Variants in TMEM273 observed in about 807,000 individuals in gnomAD.
TMEM273 encodes the protein chromosome 10 open reading frame 128.
TMEM273 carries 19 observed loss-of-function variants against 17.9 expected under a neutral mutation model. The ratio of observed to expected loss-of-function variants is 1.06; its 90% CI spans 0.74 to 1.55. TMEM273 has a LOEUF of 1.55. Among genes scored for constraint, TMEM273 ranks in the 40% most tolerant of loss-of-function variants. The pLI, the probability that TMEM273 is intolerant of heterozygous loss-of-function variation, is 0.00. For synonymous variants in TMEM273, 66 were observed against 62.0 expected (o/e 1.07, Z -0.31); for missense variants, 194 against 155.6 (o/e 1.25, Z -1.31).
At chr10:49,165,477 T>G in intron 4 of TMEM273, 194 bp from the exon 5 acceptor site, 1 of 1,456,716 alleles carries the variant, frequency 6.9e-7, no homozygotes, top group Non-Finnish European at 9.0e-7. Flanking sequence ...AAGTCAGGGG[T>G]ATGCACTGAA....
intron 1 of TMEM273, among the ~76,000 whole-genome samples, chr10:49,183,662 C>T (rs1374767225): frequency 6.6e-6 from 1 of 152,158 alleles, no homozygotes; most frequent in Non-Finnish European, 1.5e-5. Flanking sequence ...GGGCCACTCA[C>T]CTGCTACTTT....
chr10:49,179,614 A>G lies in TMEM273; in HGVS notation c.43+8680T>C, dbSNP rs190851790. On this transcript the variant is annotated intron_variant, in intron 1 of 6. Transcript: ENST00000374153. ...TAAAATCCCTAAATATTATATTAAA[A>G]AAACAAATATAAAAAGACCCCCAAA... 1.2e-4 allele frequency among the ~76,000 whole-genome samples: 19 copies of G among 152,364 alleles called. No homozygotes were observed. The East Asian group carries it at 3.7e-3, about 29-fold the overall frequency.
intron 6 of TMEM273, among the ~76,000 whole-genome samples, chr10:49,158,937 T>C (rs1845678131): frequency 6.6e-6 from 1 of 152,334 alleles, no homozygotes; most frequent in Non-Finnish European, 1.5e-5. Flanking sequence ...AAACATCTTC[T>C]AATTTTATTT....
intron 1 of TMEM273, among the ~76,000 whole-genome samples, chr10:49,184,909 G>T (rs1000043776): frequency 6.6e-6 from 1 of 152,218 alleles, no homozygotes; most frequent in African/African-American, 2.4e-5. Context: ...GTGGAAACTT[G>T]TAGAGTAGTT....
rs1258807087 is a variant in TMEM273 at position 49,155,274 on chromosome 10, C to T, written c.*618G>A. On this transcript the variant is annotated 3_prime_UTR_variant, in exon 7 of 7. Coordinates refer to ENST00000374153, the MANE Select transcript of TMEM273 (RefSeq NM_001288740.3). ...TTTGAAGGTCTGAGAGCAGCAGGCC[C>T]ATTCCATGAACACCAAAGCCCTTCC... The T allele has an allele frequency of 6.5e-6, 1 of 153,168 alleles. No individual in the cohort carries two copies. Among genetic ancestry groups the T allele is most frequent in the East Asian group, 1.9e-4 (1 of 5,208 alleles). 9.5% of individuals were successfully genotyped at this position (153,168 alleles called of 1,614,324 possible). A position where few individuals can be genotyped will look rare whatever the true frequency, so the allele number is the denominator to read the frequency against.
At chr10:49,163,831 T>C (rs1845999002) in intron 5 of TMEM273, among the ~76,000 whole-genome samples, 1 of 151,806 alleles carries the variant, frequency 6.6e-6, no homozygotes, top group African/African-American at 2.4e-5. Flanking sequence ...GGAGGAGAAA[T>C]CCTCAAAAAA....
chr10:49,186,110 G>GAAGAAGAAGAAGAA (rs59346438), intron 1 of TMEM273, among the ~76,000 whole-genome samples: 2,009 of 82,424 alleles, frequency 0.024, 88 homozygotes, highest in Middle Eastern at 0.042. Context: ...AAGAAGAAGA[G>GAAGAAGAAGAAGAA]GAAGAAGAAG....
intron 6 of TMEM273, chr10:49,160,913 G>A (rs1254548067): frequency 1.3e-5 from 2 of 152,174 alleles, no homozygotes; most frequent in Admixed American, 6.5e-5. Flanking sequence ...GTGAGGTCAA[G>A]AGATTGCCCC....
intron 5 of TMEM273, among the ~76,000 whole-genome samples, chr10:49,164,011 T>A (rs1846010046): frequency 6.6e-6 from 1 of 152,124 alleles, no homozygotes; most frequent in African/African-American, 2.4e-5. Context: ...CAGTCCCTGG[T>A]CCCATGGAAG....
At chr10:49,162,790 T>C (rs769063793) in intron 5 of TMEM273, among the ~76,000 whole-genome samples, 37 of 152,194 alleles carry the variant, frequency 2.4e-4, no homozygotes, top group Non-Finnish European at 4.9e-4. Context: ...CCTCCTGCAC[T>C]CCTCACCACA....
chr10:49,167,764 T>C (rs1052487547), intron 2 of TMEM273, 145 bp downstream of exon 2: 10 of 987,366 alleles, frequency 1.0e-5, no homozygotes, highest in Middle Eastern at 3.1e-4. Context: ...TCAGCTGCTC[T>C]GGGGGACCTG....
Position 49,167,935 on chromosome 10 carries a change from G to T in TMEM273, c.71C>A (p.Thr24Lys), listed in dbSNP as rs1416311240. The T allele has an allele frequency of 3.7e-6, 6 of 1,614,038 alleles. No homozygotes were observed. The highest frequency in any genetic ancestry group is 5.1e-6 in the Non-Finnish European group (6 of 1,180,004). Residue 24 changes from threonine to lysine, a missense_variant, in exon 2 of 7, where the codon ACA becomes AAA. Thr to Lys is a moderately conservative substitution (Grantham distance 78). Transcript: ENST00000374153. ...LDVGGAQVLA[T>K]GKTPGAEIDF... ...AATTTCAGCCCCAGGGGTCTTGCCT[G>T]TTGCCAGCACTTGAGCTCCTCCTAC...
At chr10:49,180,885 A>G (rs1306047566) in intron 1 of TMEM273, among the ~76,000 whole-genome samples, 1 of 152,244 alleles carries the variant, frequency 6.6e-6, no homozygotes, top group Non-Finnish European at 1.5e-5. Flanking sequence ...CCGTCACCAC[A>G]CCTGTTCAAC....
intron 1 of TMEM273, among the ~76,000 whole-genome samples, chr10:49,183,211 G>T (rs1285959340): frequency 6.6e-6 from 1 of 152,074 alleles, no homozygotes; most frequent in Non-Finnish European, 1.5e-5. Context: ...TTATATAAAA[G>T]TATTTTGTCA....
chr10:49,157,328 G>T (rs1228562261), intron 6 of TMEM273, among the ~76,000 whole-genome samples: 1 of 152,208 alleles, frequency 6.6e-6, no homozygotes, highest in East Asian at 1.9e-4. Context: ...GATAAGGCTG[G>T]CAGAGTCTAG....
chr10:49,178,142 C>A (rs1847109258), intron 1 of TMEM273: 1 of 456,402 alleles, frequency 2.2e-6, no homozygotes, highest in South Asian at 1.6e-5. Context: ...GGCCCAATGT[C>A]CTCCCAGGGC....
At chr10:49,172,259 T>A (rs892255325) in intron 1 of TMEM273, among the ~76,000 whole-genome samples, 2 of 151,916 alleles carry the variant, frequency 1.3e-5, no homozygotes, top group Non-Finnish European at 2.9e-5. Context: ...CTAGGAGAAA[T>A]CAAAGAGCAA....
chr10:49,176,314 G>A (rs191083920), intron 1 of TMEM273, among the ~76,000 whole-genome samples: 11 of 152,306 alleles, frequency 7.2e-5, no homozygotes, highest in Admixed American at 4.6e-4. Flanking sequence ...AAGAGGTGGC[G>A]CTCCCCAGCA....
In TMEM273 at chr10:49,167,961, A is replaced by C. The variant is rs1846306195; in HGVS notation, c.45T>G (p.Asp15Glu). ...VSMLRILFLL[D>E]VGGAQVLATG... ...TTGCCAGCACTTGAGCTCCTCCTAC[A>C]TCTGCAAAGAAAGAAACCCCAGAGC... is the stretch of plus-strand genomic sequence containing the variant. Residue 15 changes from aspartate to glutamate, a missense_variant and splice_region_variant, in exon 2 of 7, where the codon GAT becomes GAG. Asp to Glu is a conservative substitution (Grantham distance 45). Transcript: ENST00000374153. The C allele has an allele frequency of 1.2e-6, 2 of 1,613,954 alleles. No homozygotes were observed. The highest frequency in any genetic ancestry group is 2.2e-5 in the East Asian group (1 of 44,868).
Sources: allele counts gnomAD v4.1 joint callset (sites outside exome capture counted in the v4.1 genomes callset), GRCh38; gene constraint gnomAD v4.1.1; transcripts MANE v1.5; gene names NCBI Gene and HGNC (gene_info 2026-07-23, HGNC 2026-07-21).